The following SHISA9 variants were observed in gnomAD, a reference collection of about 807,000 sequenced individuals.
The protein encoded by SHISA9 is shisa family member 9, also known as protein shisa-9.
A neutral mutation model predicts 38.0 loss-of-function variants in SHISA9; 13 were observed. The observed-to-expected ratio is 0.34, with a 90% CI of 0.22 to 0.54. SHISA9 has a LOEUF of 0.54. Among genes scored for constraint, SHISA9 ranks in the 20% least tolerant of loss-of-function variants. The pLI is 0.91. For missense variants in SHISA9, 538 were observed against 575.8 expected, an observed-to-expected ratio of 0.93 and a Z score of 0.67; for synonymous variants, 275 against 242.0, an observed-to-expected ratio of 1.14 and a Z score of -1.27.
chr16:13,275,461 T>C, the SHISA9 span, among the ~76,000 whole-genome samples: 2 of 152,124 alleles, frequency 1.3e-5, no homozygotes, highest in African/African-American at 4.8e-5. Flanking sequence ...TTTGTGATTA[T>C]AATATATTAT....
chr16:13,353,016 A>T, the SHISA9 span, among the ~76,000 whole-genome samples: 1 of 152,156 alleles, frequency 6.6e-6, no homozygotes, highest in Admixed American at 6.5e-5. Context: ...GAGGCCTGAC[A>T]TTCCTGCCTT....
intron 2 of SHISA9, among the ~76,000 whole-genome samples, chr16:12,963,545 T>A (rs2071938670): frequency 6.6e-6 from 1 of 152,224 alleles, no homozygotes; most frequent in Non-Finnish European, 1.5e-5. Flanking sequence ...ATTCATCAAA[T>A]CCTTATTATG....
chr16:13,189,119 T>G (rs1405607295), intron 2 of SHISA9, among the ~76,000 whole-genome samples: 1 of 152,262 alleles, frequency 6.6e-6, no homozygotes, highest in East Asian at 1.9e-4. Context: ...CTCAGACTTC[T>G]AGCTCTGGGG....
intron 1 of SHISA9, among the ~76,000 whole-genome samples, chr16:12,904,610 A>G (rs768009540): frequency 1.2e-4 from 18 of 152,282 alleles, no homozygotes; most frequent in Middle Eastern, 6.8e-3. Context: ...GGCAGAATCT[A>G]GGGGACCCAG....
chr16:13,539,231 G>C, the SHISA9 span, among the ~76,000 whole-genome samples: 1 of 149,844 alleles, frequency 6.7e-6, no homozygotes, highest in African/African-American at 2.5e-5. Context: ...CCAAGCTCAA[G>C]AGATCCTCTT....
the SHISA9 span, among the ~76,000 whole-genome samples, chr16:13,338,653 G>A: frequency 6.6e-6 from 1 of 152,116 alleles, no homozygotes; most frequent in South Asian, 2.1e-4. Context: ...GGCAGTAAAG[G>A]GTCTGCCTCC....
the SHISA9 span, among the ~76,000 whole-genome samples, chr16:13,380,210 TAAAAG>T: frequency 4.6e-5 from 7 of 150,934 alleles, no homozygotes; most frequent in East Asian, 1.4e-3. Context: ...AAAGAAAAAA[TAAAAG>T]AAAAAATTCC....
chr16:13,488,183 C>G, the SHISA9 span, among the ~76,000 whole-genome samples: 1 of 151,996 alleles, frequency 6.6e-6, no homozygotes, highest in African/African-American at 2.4e-5. Context: ...GGCTTTACCT[C>G]CCGACCATTC....
At chr16:13,003,868 TA>T (rs11337442) in intron 2 of SHISA9, among the ~76,000 whole-genome samples, 5,033 of 136,300 alleles carry the variant, frequency 0.037, 163 homozygotes, top group African/African-American at 0.094. Flanking sequence ...AAAATAATAA[TA>T]ATAATAATAA....
At chr16:13,382,204 CAT>C in the SHISA9 span, among the ~76,000 whole-genome samples, 1 of 152,150 alleles carries the variant, frequency 6.6e-6, no homozygotes, top group Non-Finnish European at 1.5e-5. Flanking sequence ...GATATTTTCT[CAT>C]GTGTAAACAG....
At chr16:12,930,882 A>G (rs1341407646) in intron 2 of SHISA9, among the ~76,000 whole-genome samples, 1 of 152,154 alleles carries the variant, frequency 6.6e-6, no homozygotes, top group East Asian at 1.9e-4. Flanking sequence ...CCACAGATCA[A>G]TTTCATATCC....
intron 2 of SHISA9, among the ~76,000 whole-genome samples, chr16:12,991,041 T>C (rs753703327): frequency 6.6e-6 from 1 of 152,182 alleles, no homozygotes; most frequent in African/African-American, 2.4e-5. Context: ...GCATGAAAAA[T>C]TATTATAAGC....
chr16:13,153,051 T>A lies in SHISA9; in HGVS notation c.692-50343T>A, dbSNP rs146947296. Among the ~76,000 whole-genome samples, 538 of 152,276 alleles carry A rather than the reference T, an allele frequency of 3.5e-3. 10 individuals carry two copies. The highest frequency in any genetic ancestry group is 0.033 in the Admixed American group (508 of 15,296). ...AGAGGGGGCTCTGAGCCAAAGAATA[T>A]GCCAGTCCCTAGAGGCTGCAAAAGG... On this transcript the variant is annotated intron_variant, in intron 2 of 4. Transcript: ENST00000558583.
chr16:12,977,868 C>G (rs1010739459), intron 2 of SHISA9, among the ~76,000 whole-genome samples: 3 of 152,016 alleles, frequency 2.0e-5, no homozygotes, highest in East Asian at 1.9e-4. Context: ...CTAATGCATG[C>G]TGGGTTTAAT....
At chr16:13,075,210 G>A (rs538938265) in intron 2 of SHISA9, among the ~76,000 whole-genome samples, 5 of 152,326 alleles carry the variant, frequency 3.3e-5, no homozygotes, top group East Asian at 1.9e-4. Context: ...AGCAGAGCAG[G>A]GACATGGGAA....
At chr16:13,061,443 T>G (rs2073374988) in intron 2 of SHISA9, among the ~76,000 whole-genome samples, 2 of 152,192 alleles carry the variant, frequency 1.3e-5, no homozygotes, top group South Asian at 4.1e-4. Context: ...CGTCCGACAA[T>G]CTAAGATTGT....
At chr16:13,442,252 C>T in the SHISA9 span, among the ~76,000 whole-genome samples, 6 of 152,324 alleles carry the variant, frequency 3.9e-5, no homozygotes, top group East Asian at 5.8e-4. Flanking sequence ...CTGTAGAAAT[C>T]TTTCTGGAAG....
At chr16:13,325,365 A>G in the SHISA9 span, among the ~76,000 whole-genome samples, 2 of 152,196 alleles carry the variant, frequency 1.3e-5, no homozygotes, top group African/African-American at 4.8e-5. Context: ...AATGCTGGCC[A>G]GTTGTGCCTA....
chr16:13,243,225 T>C (rs1189192027), downstream of SHISA9, among the ~76,000 whole-genome samples: 6 of 150,404 alleles, frequency 4.0e-5, no homozygotes, highest in African/African-American at 1.5e-4. Context: ...TGGGTGACAG[T>C]GCGAGACTCT....
Sources: gnomAD v4.1 joint callset for allele counts (sites outside exome capture counted in the v4.1 genomes callset) on GRCh38, gnomAD v4.1.1 for gene constraint, MANE v1.5 for transcripts, NCBI Gene and HGNC (gene_info 2026-07-23, HGNC 2026-07-21) for gene names.